The following DMD variants were observed in gnomAD, a reference collection of about 807,000 sequenced individuals.
DMD encodes the protein dystrophin.
A neutral mutation model predicts 330.1 loss-of-function variants in DMD; 63 were observed. That is an observed-to-expected ratio of 0.19 (90% CI 0.16 to 0.24). DMD has a LOEUF of 0.24. DMD is among the 10% of genes least tolerant of loss of function. DMD has a pLI of 1.00. For missense variants in DMD, 3,344 were observed against 2,684.1 expected (o/e 1.25, Z -5.43); for synonymous variants, 1,223 against 959.8 (o/e 1.27, Z -5.07).
At chrX:31,908,750 T>C (rs1008265401) in intron 47 of DMD, among the ~76,000 whole-genome samples, 1 of 109,973 alleles carries the variant, frequency 9.1e-6, no homozygotes, top group Non-Finnish European at 1.9e-5. Context: ...ATGAAAGATG[T>C]AGGGAATTAA....
intron 62 of DMD, among the ~76,000 whole-genome samples, chrX:31,284,539 A>G (rs1003398834): frequency 5.2e-5 from 4 of 76,649 alleles, no homozygotes; most frequent in Admixed American, 4.3e-4. Context: ...CTTCTTTAAG[A>G]ACTGCAATAA....
At chrX:32,824,186 A>G (rs1264915063) in intron 4 of DMD, among the ~76,000 whole-genome samples, 1 of 112,039 alleles carries the variant, frequency 8.9e-6, no homozygotes, top group Non-Finnish European at 1.9e-5. Context: ...CACTTTGGAA[A>G]ACAGTCTGGC....
chrX:32,766,046 T>A (rs1433884698), intron 7 of DMD, among the ~76,000 whole-genome samples: 1 of 112,035 alleles, frequency 8.9e-6, no homozygotes, highest in East Asian at 2.8e-4. Context: ...TTATATTCTA[T>A]TGTTCTACAT....
intron 9 of DMD, among the ~76,000 whole-genome samples, chrX:32,696,426 T>C (rs946283795): frequency 1.8e-5 from 2 of 112,165 alleles, no homozygotes; most frequent in African/African-American, 6.5e-5. Context: ...TTACATTTAT[T>C]TGAATGGCTT....
intron 55 of DMD, among the ~76,000 whole-genome samples, chrX:31,583,481 T>C (rs751365341): frequency 4.5e-5 from 5 of 110,615 alleles, no homozygotes; most frequent in Non-Finnish European, 7.6e-5. Context: ...AGTCAGGCAA[T>C]TTGGCAGGGG....
chrX:32,792,912 T>C (rs2075925382), intron 7 of DMD, among the ~76,000 whole-genome samples: 2 of 111,894 alleles, frequency 1.8e-5, no homozygotes, highest in Admixed American at 9.5e-5. Flanking sequence ...AGACAAAAAA[T>C]TAACAAAGAA....
chrX:33,322,223 C>T (rs1180449948), intron 1 of DMD, among the ~76,000 whole-genome samples: 1 of 111,345 alleles, frequency 9.0e-6, no homozygotes, highest in Admixed American at 9.7e-5. Context: ...GACATGCCCT[C>T]CTCACTAAAC....
chrX:32,721,373 A>T (rs1253135639), intron 7 of DMD, among the ~76,000 whole-genome samples: 1 of 110,182 alleles, frequency 9.1e-6, no homozygotes, highest in Non-Finnish European at 1.9e-5. Flanking sequence ...GGCACTTGTT[A>T]TCTCATCTTT....
At chrX:32,645,726 C>A (rs1392912242) in intron 9 of DMD, among the ~76,000 whole-genome samples, 2 of 111,982 alleles carry the variant, frequency 1.8e-5, no homozygotes, top group Non-Finnish European at 3.8e-5. Context: ...TGTGATTTAG[C>A]CTTTATTTCC....
chrX:31,942,023 C>T (rs925426683), intron 45 of DMD, among the ~76,000 whole-genome samples: 1 of 111,595 alleles, frequency 9.0e-6, no homozygotes, highest in Non-Finnish European at 1.9e-5. Flanking sequence ...TAGAAAGATT[C>T]GTGTTCTTTT....
At chrX:31,866,855 C>T (rs1283128371) in intron 48 of DMD, among the ~76,000 whole-genome samples, 1 of 111,233 alleles carries the variant, frequency 9.0e-6, no homozygotes, top group South Asian at 3.7e-4. Context: ...TCTGAATGAA[C>T]ATTGGAAATG....
chrX:31,794,492 A>C (rs1273554205), intron 50 of DMD, among the ~76,000 whole-genome samples: 1 of 111,912 alleles, frequency 8.9e-6, no homozygotes, highest in African/African-American at 3.2e-5. Context: ...CGATTAAATT[A>C]TTAAGAACCT....
At chrX:32,565,605 C>T in intron 16 of DMD, 97 bp downstream of exon 16, 5 of 884,362 alleles carry the variant, frequency 5.7e-6, no homozygotes, top group Non-Finnish European at 8.1e-6. Flanking sequence ...AAAAACTAAT[C>T]TGGTTGCTTC....
At chrX:31,314,365 T>G (rs2055791236) in intron 62 of DMD, among the ~76,000 whole-genome samples, 1 of 112,181 alleles carries the variant, frequency 8.9e-6, no homozygotes, top group Non-Finnish European at 1.9e-5. Context: ...CGATTCCTTC[T>G]AAAGCAACAA....
intron 44 of DMD, among the ~76,000 whole-genome samples, chrX:32,022,393 C>G (rs982696929): frequency 8.9e-6 from 1 of 112,204 alleles, no homozygotes; most frequent in African/African-American, 3.2e-5. Flanking sequence ...CTTTGTGGAA[C>G]TCAATCTGAC....
At chrX:31,434,782 T>A (rs1487482687) in intron 60 of DMD, among the ~76,000 whole-genome samples, 1 of 111,967 alleles carries the variant, frequency 8.9e-6, no homozygotes, top group Non-Finnish European at 1.9e-5. Flanking sequence ...GTTTTTAGTC[T>A]GTGAATGATT....
intron 1 of DMD, among the ~76,000 whole-genome samples, chrX:33,229,064 T>C (rs2052342682): frequency 9.0e-6 from 1 of 111,045 alleles, no homozygotes; most frequent in East Asian, 2.8e-4. Context: ...AATTAATTTA[T>C]TTTTGGATTT....
chrX:32,019,114 C>CT (rs200912728), intron 44 of DMD, among the ~76,000 whole-genome samples: 11 of 104,494 alleles, frequency 1.1e-4, no homozygotes, highest in East Asian at 3.0e-4. Flanking sequence ...TCTGTGAGGG[C>CT]TTTTTTTTTT....
chrX:33,198,770 G>A (rs1306966898), intron 1 of DMD, among the ~76,000 whole-genome samples: 2 of 110,680 alleles, frequency 1.8e-5, no homozygotes, highest in Non-Finnish European at 3.8e-5. Flanking sequence ...CATACATATG[G>A]AATCATAACA....
Sources: gnomAD v4.1 joint callset for allele counts (sites outside exome capture counted in the v4.1 genomes callset) on GRCh38, gnomAD v4.1.1 for gene constraint, MANE v1.5 for transcripts, NCBI Gene and HGNC (gene_info 2026-07-23, HGNC 2026-07-21) for gene names.